The following TMEM135 variants were observed in gnomAD, a reference collection of about 807,000 sequenced individuals.
TMEM135 encodes peroxisomal membrane protein 52.
TMEM135 carries 30 observed loss-of-function variants against 60.3 expected under a neutral mutation model. The ratio of observed to expected loss-of-function variants is 0.50; its 90% CI spans 0.37 to 0.68. TMEM135 has a LOEUF of 0.68. Ranked by LOEUF, TMEM135 falls within the 30% of genes least tolerant of loss-of-function variation. TMEM135 has a pLI of 0.00. For synonymous variants in TMEM135, 190 were observed against 186.7 expected, an observed-to-expected ratio of 1.02 and a Z score of -0.14; for missense variants, 468 against 548.8, an observed-to-expected ratio of 0.85 and a Z score of 1.47.
intron 6 of TMEM135, among the ~76,000 whole-genome samples, chr11:87,267,880 C>T (rs183260010): frequency 1.6e-3 from 239 of 151,976 alleles, no homozygotes; most frequent in Middle Eastern, 6.8e-3. Context: ...TTAGTAGAGA[C>T]GGGGTTTCAC....
In TMEM135 at chr11:87,090,634, T is replaced by C. The variant is rs149888386; in HGVS notation, c.363-728T>C. 2.9e-3 allele frequency among the ~76,000 whole-genome samples: 434 copies of C among 152,222 alleles called. 11 individuals carry two copies. The highest frequency in any genetic ancestry group is 0.026 in the Admixed American group (392 of 15,292). On this transcript the variant is annotated intron_variant, in intron 3 of 14. Coordinates refer to ENST00000305494, the MANE Select transcript of TMEM135 (RefSeq NM_022918.4). ...AATTCTTAAAACCTATTGAAGACATTTCCTAGAGAATAGAATGTGCTTCAT... is the reference window on the plus strand; with the variant it reads ...AATTCTTAAAACCTATTGAAGACATCTCCTAGAGAATAGAATGTGCTTCAT...
chr11:87,053,977 ATT>A (rs1206394974), intron 1 of TMEM135, among the ~76,000 whole-genome samples: 1 of 152,210 alleles, frequency 6.6e-6, no homozygotes, highest in Admixed American at 6.5e-5. Flanking sequence ...GTTAATAAGT[ATT>A]TGTTAGTGAG....
chr11:87,205,981 T>G (rs1443081830), intron 5 of TMEM135, among the ~76,000 whole-genome samples: 2 of 152,212 alleles, frequency 1.3e-5, no homozygotes, highest in Non-Finnish European at 2.9e-5. Context: ...GGACTCACTT[T>G]CTTACTAATT....
chr11:87,091,366 G>C lies in TMEM135; in HGVS notation c.367G>C (p.Gly123Arg), dbSNP rs1429158472. 2.0e-5 allele frequency: 32 copies of C among 1,611,830 alleles called. No individual in the cohort carries two copies. Among genetic ancestry groups the C allele is most frequent in the Non-Finnish European group, 2.6e-5 (31 of 1,178,782 alleles). ...TCCTTTTAAAATTATTTGCAGGAGA[G>C]GGCTGCTCACAATTTATATGGCCAA... ...AILIERKSRR[G>R]LLTIYMANLA... Residue 123 changes from glycine to arginine, a missense_variant, in exon 4 of 15, where the codon GGG becomes CGG. By Grantham distance (125) the Gly-to-Arg change is moderately radical. Transcript: ENST00000305494.
chr11:87,284,436 T>G (rs1942126524), intron 6 of TMEM135, among the ~76,000 whole-genome samples: 1 of 152,204 alleles, frequency 6.6e-6, no homozygotes, highest in Non-Finnish European at 1.5e-5. Flanking sequence ...TAAGGAGAAA[T>G]CTGATTCTAT....
chr11:87,091,472 A>G, intron 4 of TMEM135, 77 bp downstream of exon 4: 5 of 1,425,764 alleles, frequency 3.5e-6, no homozygotes, highest in South Asian at 1.2e-5. Flanking sequence ...TAAAAAAAGT[A>G]AAAGAGGAAA....
intron 5 of TMEM135, among the ~76,000 whole-genome samples, chr11:87,174,866 A>T (rs570126095): frequency 5.9e-5 from 9 of 152,278 alleles, no homozygotes; most frequent in African/African-American, 2.2e-4. Flanking sequence ...CAAGGACATT[A>T]TGTTCAGATT....
intron 5 of TMEM135, among the ~76,000 whole-genome samples, chr11:87,219,201 G>C (rs1306203950): frequency 2.6e-5 from 4 of 152,136 alleles, no homozygotes; most frequent in Non-Finnish European, 4.4e-5. Context: ...ACTGAGAATG[G>C]TCTACAATCA....
At chr11:87,092,323 C>T (rs1857225566) in intron 4 of TMEM135, among the ~76,000 whole-genome samples, 1 of 152,096 alleles carries the variant, frequency 6.6e-6, no homozygotes, top group Admixed American at 6.5e-5. Context: ...TAGCAGCAAA[C>T]TATTCTGGGT....
At chr11:87,124,852 A>G (rs998848722) in intron 4 of TMEM135, among the ~76,000 whole-genome samples, 2 of 151,668 alleles carry the variant, frequency 1.3e-5, no homozygotes, top group African/African-American at 4.8e-5. Flanking sequence ...TTCTCTCATT[A>G]CACTGATAAG....
At chr11:87,090,888 ATAT>A (rs1371176645) in intron 3 of TMEM135, among the ~76,000 whole-genome samples, 3 of 152,120 alleles carry the variant, frequency 2.0e-5, no homozygotes, top group African/African-American at 7.2e-5. Context: ...ATGATTTGTA[ATAT>A]TATTTAATGA....
At chr11:87,079,123 A>G (rs1323862717) in intron 3 of TMEM135, among the ~76,000 whole-genome samples, 1 of 152,132 alleles carries the variant, frequency 6.6e-6, no homozygotes, top group Non-Finnish European at 1.5e-5. Context: ...CTTCTGCCTC[A>G]GCCTCCCAGG....
chr11:87,109,366 A>G (rs540467907), intron 4 of TMEM135, among the ~76,000 whole-genome samples: 1 of 152,318 alleles, frequency 6.6e-6, no homozygotes, highest in East Asian at 1.9e-4. Context: ...GTAAAAGATT[A>G]ACAACAATAG....
At chr11:87,092,839 T>C (rs995764072) in intron 4 of TMEM135, among the ~76,000 whole-genome samples, 3 of 41,900 alleles carry the variant, frequency 7.2e-5, no homozygotes, top group African/African-American at 4.4e-4. Context: ...ACTTTTTAGG[T>C]AATCTCTCTT....
In TMEM135 at chr11:87,328,218, C is replaced by G. The variant is rs758351739; in HGVS notation, c.*6885C>G. ...GTTTCATTTCCCATTATATCCTTCT[C>G]TCTCTTGATTTAGAATTCTCTTTTT... On this transcript the variant is annotated 3_prime_UTR_variant, in exon 15 of 15. Coordinates refer to ENST00000305494, the MANE Select transcript of TMEM135 (RefSeq NM_022918.4). 4.4e-6 allele frequency: 2 copies of G among 454,060 alleles called. No individual in the cohort carries two copies. The highest frequency in any genetic ancestry group is 3.1e-5 in the South Asian group (2 of 64,472). The allele number at this position is 454,060 out of a possible 1,614,324, so 28.1% of individuals were successfully genotyped here.
intron 4 of TMEM135, among the ~76,000 whole-genome samples, chr11:87,145,458 G>A (rs1001196439): frequency 3.9e-5 from 6 of 152,150 alleles, no homozygotes; most frequent in Admixed American, 2.0e-4. Flanking sequence ...CAGTGGGATT[G>A]CTGGGTCATA....
intron 7 of TMEM135, among the ~76,000 whole-genome samples, chr11:87,300,653 T>C (rs572743403): frequency 4.6e-5 from 7 of 152,348 alleles, no homozygotes; most frequent in African/African-American, 1.2e-4. Flanking sequence ...ACTATGTTCA[T>C]TCATTCATTC....
At chr11:87,280,541 C>T (rs1316060825) in intron 6 of TMEM135, among the ~76,000 whole-genome samples, 1 of 152,132 alleles carries the variant, frequency 6.6e-6, no homozygotes, top group Non-Finnish European at 1.5e-5. Context: ...TCTTCCTCTA[C>T]TTCTTTTTTA....
chr11:87,151,636 C>T (rs976112486), intron 4 of TMEM135, among the ~76,000 whole-genome samples: 2 of 150,768 alleles, frequency 1.3e-5, no homozygotes, highest in African/African-American at 4.9e-5. Context: ...CAAAAGTTAG[C>T]ATCTACCTAT....
Sources: allele counts gnomAD v4.1 joint callset (sites outside exome capture counted in the v4.1 genomes callset), GRCh38; gene constraint gnomAD v4.1.1; transcripts MANE v1.5; gene names NCBI Gene and HGNC (gene_info 2026-07-23, HGNC 2026-07-21).